ADARB2: variants seen among roughly 807,000 people sequenced by gnomAD.
ADARB2 encodes inactive double-stranded RNA-specific editase B2.
Under a neutral mutation model 62.2 loss-of-function variants are expected in ADARB2, and 25 were observed. The observed-to-expected ratio is 0.40, with a 90% CI of 0.29 to 0.56. The LOEUF is 0.56. Among genes scored for constraint, ADARB2 ranks in the 20% least tolerant of loss-of-function variants. ADARB2 has a pLI of 0.43. For missense variants in ADARB2, 1,071 were observed against 1,077.4 expected (o/e 0.99, Z 0.08); for synonymous variants, 572 against 500.8 (o/e 1.14, Z -1.90).
chr10:1,736,945 A>G lies in ADARB2; in HGVS notation c.100+106T>C, dbSNP rs117110448. 8.1e-3 allele frequency: 9,559 copies of G among 1,185,348 alleles called. 384 individuals carry two copies. In the East Asian group the frequency reaches 0.12, roughly 15 times the overall value. The allele number at this position is 1,185,348 out of a possible 1,614,324, so 73.4% of individuals were successfully genotyped here. A position where few individuals can be genotyped will look rare whatever the true frequency, so the allele number is the denominator to read the frequency against. On this transcript the variant is annotated intron_variant, in intron 1 of 9. Coordinates refer to ENST00000381312, the MANE Select transcript of ADARB2 (RefSeq NM_018702.4). ...GAGCAGCCATCCCGCCAGCACCCCAAAGTGAAGCTGCTCACAACGGACAAG... is the reference window on the plus strand; with the variant it reads ...GAGCAGCCATCCCGCCAGCACCCCAGAGTGAAGCTGCTCACAACGGACAAG...
chr10:1,566,609 A>G (rs1554772291), intron 1 of ADARB2, among the ~76,000 whole-genome samples: 1 of 152,250 alleles, frequency 6.6e-6, no homozygotes, highest in African/African-American at 2.4e-5. Context: ...CTAATAGCAG[A>G]TGGCAGATTC....
chr10:1,261,358 G>T (rs1222492169), intron 4 of ADARB2, among the ~76,000 whole-genome samples: 1 of 147,872 alleles, frequency 6.8e-6, no homozygotes, highest in Non-Finnish European at 1.5e-5. Flanking sequence ...CCATCAGAGT[G>T]AACAGGCAAC....
intron 1 of ADARB2, among the ~76,000 whole-genome samples, chr10:1,553,268 T>C (rs1483503711): frequency 6.6e-6 from 1 of 152,240 alleles, no homozygotes; most frequent in Non-Finnish European, 1.5e-5. Context: ...AATTGCTTAG[T>C]TTTAGCTGCT....
chr10:1,637,127 A>G (rs1307754951), intron 1 of ADARB2, among the ~76,000 whole-genome samples: 1 of 152,196 alleles, frequency 6.6e-6, no homozygotes, highest in East Asian at 1.9e-4. Context: ...CACTGAAGGA[A>G]TACTTCTGCC....
At chr10:1,416,313 A>G (rs1683200074) in intron 1 of ADARB2, among the ~76,000 whole-genome samples, 1 of 152,274 alleles carries the variant, frequency 6.6e-6, no homozygotes, top group African/African-American at 2.4e-5. Context: ...CATGCTGCCA[A>G]AAGTTGAGAG....
intron 1 of ADARB2, among the ~76,000 whole-genome samples, chr10:1,598,524 G>A (rs188118609): frequency 1.3e-5 from 2 of 152,348 alleles, no homozygotes; most frequent in East Asian, 1.9e-4. Context: ...GTGGAGAAAC[G>A]GGTGGCGATG....
chr10:1,729,379 A>G (rs1451517042), intron 1 of ADARB2, among the ~76,000 whole-genome samples: 1 of 152,228 alleles, frequency 6.6e-6, no homozygotes, highest in African/African-American at 2.4e-5. Context: ...CAAAGAGGGC[A>G]GGTACTTCCT....
chr10:1,332,633 A>AGAC (rs1831940521), intron 3 of ADARB2, among the ~76,000 whole-genome samples: 1 of 152,150 alleles, frequency 6.6e-6, no homozygotes, highest in Non-Finnish European at 1.5e-5. Flanking sequence ...CTCAGAGGAG[A>AGAC]GACACATCAA....
chr10:1,364,148 C>G (rs1466291555), intron 2 of ADARB2, among the ~76,000 whole-genome samples: 1 of 152,248 alleles, frequency 6.6e-6, no homozygotes, highest in Admixed American at 6.5e-5. Context: ...TAGGAGCTGT[C>G]GTCTTCTGGG....
At chr10:1,248,608 G>A (rs779533492) in intron 4 of ADARB2, among the ~76,000 whole-genome samples, 2 of 152,208 alleles carry the variant, frequency 1.3e-5, no homozygotes, top group Non-Finnish European at 2.9e-5. Context: ...AGGATGGGGC[G>A]GCTGTGGTGC....
intron 3 of ADARB2, among the ~76,000 whole-genome samples, chr10:1,337,184 A>G (rs1350557406): frequency 1.3e-5 from 2 of 152,060 alleles, no homozygotes; most frequent in African/African-American, 4.8e-5. Flanking sequence ...GTTTATAAGC[A>G]TGTGGTGTAT....
At chr10:1,729,048 C>T (rs961929013) in intron 1 of ADARB2, among the ~76,000 whole-genome samples, 6 of 152,162 alleles carry the variant, frequency 3.9e-5, no homozygotes, top group African/African-American at 1.4e-4. Context: ...TTCAAAATTT[C>T]TCCTTGAGCC....
chr10:1,361,824 G>T lies in ADARB2; in HGVS notation c.1077+1204C>A, dbSNP rs1326187491. Among the ~76,000 whole-genome samples, 3 of 152,224 alleles carry T rather than the reference G, an allele frequency of 2.0e-5. No homozygotes were observed. The East Asian group carries it at 5.8e-4, about 29-fold the overall frequency. ...TGATGTAACAATGGTAGCGATCACA[G>T]CCATAACTTACAATTATTGCATACT... is the stretch of plus-strand genomic sequence containing the variant. On this transcript the variant is annotated intron_variant, in intron 3 of 9. Coordinates refer to ENST00000381312, the MANE Select transcript of ADARB2 (RefSeq NM_018702.4).
At chr10:1,354,118 A>G (rs1832171292) in intron 3 of ADARB2, among the ~76,000 whole-genome samples, 1 of 152,076 alleles carries the variant, frequency 6.6e-6, no homozygotes, top group Non-Finnish European at 1.5e-5. Context: ...GCCCTGAGAA[A>G]CATCGCCCAT....
chr10:1,706,550 A>G (rs535850876), intron 1 of ADARB2, among the ~76,000 whole-genome samples: 18 of 152,346 alleles, frequency 1.2e-4, no homozygotes, highest in Non-Finnish European at 2.4e-4. Context: ...GTGTTCCAGG[A>G]GAGTATTTTC....
rs772947490 is a variant in ADARB2 at position 1,519,818 on chromosome 10, C to T, written c.101-140658G>A. On this transcript the variant is annotated intron_variant, in intron 1 of 9. Transcript: ENST00000381312. ...TTCGCCCTGCATGGATCTTGTAACT[C>T]TTACCTCCCTTTGCCCTGCATGGAT... Among the ~76,000 whole-genome samples, 256 of 152,190 alleles carry T rather than the reference C, an allele frequency of 1.7e-3. 1 individual carries two copies. The highest frequency in any genetic ancestry group is 3.0e-3 in the Non-Finnish European group (204 of 68,006).
At position 1,351,725 on chromosome 10, in the gene ADARB2, C is replaced by A. The variant is rs569682367; in HGVS notation, c.1077+11303G>T. 3.0e-4 allele frequency among the ~76,000 whole-genome samples: 45 copies of A among 152,174 alleles called. 1 individual carries two copies. The highest frequency in any genetic ancestry group is 9.4e-4 in the African/African-American group (39 of 41,462). ...GTTACCCCACTCAATGCCAATATCT[C>A]ATCCCACAGCATGCTTTAAAAGGAT... On this transcript the variant is annotated intron_variant, in intron 3 of 9. Transcript: ENST00000381312.
At chr10:1,350,805 C>A (rs766714618) in intron 3 of ADARB2, among the ~76,000 whole-genome samples, 3 of 152,136 alleles carry the variant, frequency 2.0e-5, no homozygotes, top group Non-Finnish European at 4.4e-5. Context: ...TAAATTCCGG[C>A]CCTCAAACCC....
intron 1 of ADARB2, among the ~76,000 whole-genome samples, chr10:1,715,294 T>C (rs1393239563): frequency 6.6e-6 from 1 of 152,194 alleles, no homozygotes; most frequent in African/African-American, 2.4e-5. Flanking sequence ...CGTGGAAGTG[T>C]ATTTCCATTG....
Sources: allele counts gnomAD v4.1 joint callset (sites outside exome capture counted in the v4.1 genomes callset), GRCh38; gene constraint gnomAD v4.1.1; transcripts MANE v1.5; gene names NCBI Gene and HGNC (gene_info 2026-07-23, HGNC 2026-07-21).